WNT8A: variants seen among roughly 807,000 people sequenced by gnomAD.
WNT8A encodes the protein protein Wnt-8a.
Under a neutral mutation model 20.5 loss-of-function variants are expected in WNT8A, and 14 were observed. The ratio of observed to expected loss-of-function variants is 0.68; its 90% CI spans 0.45 to 1.07. WNT8A has a LOEUF of 1.07. Among genes scored for constraint, WNT8A ranks in the 50% least tolerant of loss-of-function variants. The probability of loss-of-function intolerance (pLI) is 0.00; values close to 1 mark genes in which losing one functional copy is unlikely to be tolerated. For missense variants in WNT8A, 397 were observed against 462.9 expected (o/e 0.86, Z 1.31); for synonymous variants, 167 against 169.2 (o/e 0.99, Z 0.10).
chr5:138,078,068 T>G, the WNT8A span, among the ~76,000 whole-genome samples: 5,126 of 152,098 alleles, frequency 0.034, 123 homozygotes, highest in Middle Eastern at 0.054. Context: ...AGTATTCCAC[T>G]TTTTTTCCCA....
At position 138,090,404 on chromosome 5, in the gene WNT8A, C is replaced by T. The variant is rs1013180969; in HGVS notation, c.565-124C>T. The T allele has an allele frequency of 4.0e-5, 35 of 886,074 alleles. No homozygotes were observed. In the African/African-American group the frequency reaches 5.9e-4, roughly 15 times the overall value. 54.9% of individuals were successfully genotyped at this position (886,074 alleles called of 1,614,324 possible). On this transcript the variant is annotated intron_variant, in intron 4 of 4. Transcript: ENST00000506684. Reference sequence around the variant, plus strand: ...TCGAGGAATAAATATTTTTCGTGAGCTTCCCCAAATAATTCTGATGCTCCT... The same window carrying T: ...TCGAGGAATAAATATTTTTCGTGAGTTTCCCCAAATAATTCTGATGCTCCT...
At chr5:138,077,821 C>T in the WNT8A span, among the ~76,000 whole-genome samples, 1 of 152,108 alleles carries the variant, frequency 6.6e-6, no homozygotes, top group Non-Finnish European at 1.5e-5. Context: ...CTTGGGCGAT[C>T]GCTGTGTGGC....
chr5:138,087,951 G>T lies in WNT8A; in HGVS notation c.421+20G>T, dbSNP rs1462080261. The T allele has an allele frequency of 6.2e-7, 1 of 1,612,530 alleles. No homozygotes were observed. The highest frequency in any genetic ancestry group is 8.5e-7 in the Non-Finnish European group (1 of 1,179,160). ...AAACAGGTAAGTTGAGCTTTCTAAT[G>T]GGGGTGGGAAGAGGTGAGGGGCTAC... is the stretch of plus-strand genomic sequence containing the variant. On this transcript the variant is annotated intron_variant, in intron 3 of 4. Transcript: ENST00000506684.
chr5:138,081,099 G>A (rs1049299133), upstream of WNT8A, among the ~76,000 whole-genome samples: 2 of 151,856 alleles, frequency 1.3e-5, no homozygotes, highest in East Asian at 1.9e-4. Context: ...ACAGGCGGGC[G>A]CCTGTAGTCC....
Position 138,089,087 on chromosome 5 carries a change from G to T in WNT8A, c.564+18G>T. 6.2e-7 allele frequency: 1 copy of T among 1,609,670 alleles called. No individual in the cohort carries two copies. Among genetic ancestry groups the T allele is most frequent in the Non-Finnish European group, 8.5e-7 (1 of 1,178,064 alleles). On this transcript the variant is annotated intron_variant, in intron 4 of 4. Transcript: ENST00000506684. ...GCAGACTGGTGGGTATAGGCATTGT[G>T]GCCAGTATTTCTACAGCTTCACATC...
At position 138,091,519 on chromosome 5, in the gene WNT8A, A is replaced by G; in HGVS notation, c.*446A>G. 7.6e-7 allele frequency: 1 copy of G among 1,322,704 alleles called. No individual in the cohort carries two copies. The highest frequency in any genetic ancestry group is 9.9e-7 in the Non-Finnish European group (1 of 1,005,458). The allele number at this position is 1,322,704 out of a possible 1,614,324, so 81.9% of individuals were successfully genotyped here. ...GACTTCTGAAGAGCAGCCTGTGGCT[A>G]CAAATCTATGCTGATAAATGAGGTA... On this transcript the variant is annotated 3_prime_UTR_variant, in exon 5 of 5. Coordinates refer to ENST00000506684, the MANE Select transcript of WNT8A (RefSeq NM_001300939.2).
intron 4 of WNT8A, 114 bp from the exon 5 acceptor site, chr5:138,090,414 T>C: frequency 1.0e-6 from 1 of 990,410 alleles, no homozygotes; most frequent in East Asian, 2.4e-5. Flanking sequence ...CTTCCCCAAA[T>C]AATTCTGATG....
At chr5:138,089,431 T>C (rs1750777611) in intron 4 of WNT8A, among the ~76,000 whole-genome samples, 2 of 152,174 alleles carry the variant, frequency 1.3e-5, no homozygotes, top group African/African-American at 4.8e-5. Context: ...CAGGGCCTTG[T>C]TGTCCAGCCT....
upstream of WNT8A, among the ~76,000 whole-genome samples, chr5:138,080,838 T>TGGTG (rs1750493378): frequency 6.6e-6 from 1 of 152,110 alleles, no homozygotes; most frequent in African/African-American, 2.4e-5. Flanking sequence ...AGATGAAGAA[T>TGGTG]CTAAGTCCAG....
upstream of WNT8A, among the ~76,000 whole-genome samples, chr5:138,082,312 C>T (rs1330889703): frequency 6.6e-6 from 1 of 152,192 alleles, no homozygotes; most frequent in African/African-American, 2.4e-5. Flanking sequence ...GGTGCGGTGG[C>T]TCATGCCTGT....
At chr5:138,089,121 C>G (rs1418320715) in intron 4 of WNT8A, 52 bp downstream of exon 4, 2 of 1,582,386 alleles carry the variant, frequency 1.3e-6, no homozygotes, top group Non-Finnish European at 1.7e-6. Context: ...TCTGCCCGGC[C>G]CTTCACAATT....
downstream of WNT8A, chr5:138,091,570 A>G: frequency 8.4e-7 from 1 of 1,191,910 alleles, no homozygotes. Context: ...CCTACTGGAA[A>G]GTTTTAGAGT....
chr5:138,080,120 T>G (rs1750464647), upstream of WNT8A, among the ~76,000 whole-genome samples: 1 of 152,000 alleles, frequency 6.6e-6, no homozygotes, highest in Non-Finnish European at 1.5e-5. Context: ...GCCAGGAGTT[T>G]GAGACCATCC....
chr5:138,089,757 G>C (rs1750786373), intron 4 of WNT8A, among the ~76,000 whole-genome samples: 1 of 152,130 alleles, frequency 6.6e-6, no homozygotes, highest in South Asian at 2.1e-4. Flanking sequence ...CACCTCCCAG[G>C]CTGAAGCCAT....
rs530553245 is a variant in WNT8A, at chr5:138,091,487, C to A, written c.*414C>A. ...AATAGAAGCAAAAAACGAAAGAGTT[C>A]TGTTCAGACTTCTGAAGAGCAGCCT... On this transcript the variant is annotated 3_prime_UTR_variant, in exon 5 of 5. Transcript: ENST00000506684. 6.3e-5 allele frequency: 85 copies of A among 1,348,192 alleles called. No homozygotes were observed. Among genetic ancestry groups the A allele is most frequent in the Non-Finnish European group, 8.0e-5 (82 of 1,020,098 alleles). The allele number at this position is 1,348,192 out of a possible 1,614,324, so 83.5% of individuals were successfully genotyped here.
intron 4 of WNT8A, among the ~76,000 whole-genome samples, 167 bp downstream of exon 4, chr5:138,089,236 G>C (rs1441040012): frequency 6.6e-6 from 1 of 152,158 alleles, no homozygotes; most frequent in East Asian, 1.9e-4. Flanking sequence ...GAGCCAAGTG[G>C]CTTGTCCAAG....
At chr5:138,091,924 C>T (rs759754518), downstream of WNT8A, among the ~76,000 whole-genome samples, 7 of 88,106 alleles carry the variant, frequency 7.9e-5, no homozygotes, top group Non-Finnish European at 1.8e-4. Context: ...CCTGGGGAAA[C>T]CAGCACCCAG....
chr5:138,091,155 AG>A lies in WNT8A; in HGVS notation c.*83del. On this transcript the variant is annotated 3_prime_UTR_variant, in exon 5 of 5. Transcript: ENST00000506684. ...CTCTCTTAGAGAGAACAGATTGGAA[AG>A]CAATCGGAAAATTGCAGTTTTGGTC... 5.2e-6 allele frequency: 8 copies of A among 1,543,806 alleles called. No homozygotes were observed. The Middle Eastern group carries it at 1.2e-3, about 232-fold the overall frequency.
At chr5:138,084,445 A>G (rs1750593338) in intron 1 of WNT8A, 53 bp from the exon 2 acceptor site, 20 of 1,557,426 alleles carry the variant, frequency 1.3e-5, no homozygotes, top group Non-Finnish European at 1.7e-5. Flanking sequence ...TGCTCCCCCA[A>G]CCACAGATGA....
Sources: gnomAD v4.1 joint callset for allele counts (sites outside exome capture counted in the v4.1 genomes callset) on GRCh38, gnomAD v4.1.1 for gene constraint, MANE v1.5 for transcripts, NCBI Gene and HGNC (gene_info 2026-07-23, HGNC 2026-07-21) for gene names.